Variants in PKHD1 observed in about 807,000 individuals in gnomAD.
PKHD1 encodes the protein fibrocystin.
PKHD1 carries 291 observed loss-of-function variants against 412.0 expected under a neutral mutation model. The ratio of observed to expected loss-of-function variants is 0.71; its 90% CI spans 0.64 to 0.78. PKHD1 has a LOEUF of 0.78. Among genes scored for constraint, PKHD1 ranks in the 30% least tolerant of loss-of-function variants. The pLI is 0.00. For synonymous variants in PKHD1, 1,777 were observed against 1,821.5 expected (o/e 0.98, Z 0.62); for missense variants, 4,825 against 4,950.7 (o/e 0.97, Z 0.76).
chr6:51,864,090 G>GA (rs1774649733), intron 48 of PKHD1, among the ~76,000 whole-genome samples: 1 of 152,180 alleles, frequency 6.6e-6, no homozygotes, highest in Admixed American at 6.5e-5. Flanking sequence ...GCCTAGCAGA[G>GA]AAAACGACCT....
chr6:51,788,035 T>C (rs1253255365), intron 53 of PKHD1, among the ~76,000 whole-genome samples: 1 of 152,100 alleles, frequency 6.6e-6, no homozygotes, highest in Non-Finnish European at 1.5e-5. Flanking sequence ...CAAGAGAATA[T>C]CTGCAGTGTA....
At chr6:52,082,581 G>A in intron 3 of PKHD1, 39 bp from the exon 4 acceptor site, 2 of 1,605,142 alleles carry the variant, frequency 1.2e-6, no homozygotes, top group Non-Finnish European at 1.7e-6. Context: ...GCATAGAATT[G>A]TCATTGACAC....
intron 35 of PKHD1, among the ~76,000 whole-genome samples, chr6:51,979,967 T>G (rs1457317273): frequency 6.6e-6 from 1 of 152,204 alleles, no homozygotes; most frequent in Non-Finnish European, 1.5e-5. Flanking sequence ...CAGTGCCCAC[T>G]GCTTTTGTGC....
chr6:51,927,996 T>C (rs1373828183), intron 37 of PKHD1, among the ~76,000 whole-genome samples: 1 of 152,132 alleles, frequency 6.6e-6, no homozygotes, highest in African/African-American at 2.4e-5. Flanking sequence ...GACTCAATAG[T>C]CAGCAATTAT....
chr6:51,646,853 GA>G (rs1216936629), intron 63 of PKHD1, among the ~76,000 whole-genome samples: 1 of 152,074 alleles, frequency 6.6e-6, no homozygotes, highest in Non-Finnish European at 1.5e-5. Flanking sequence ...ACTGGCTCAG[GA>G]GGTTCACTCT....
intron 23 of PKHD1, 105 bp downstream of exon 23, chr6:52,048,387 T>G (rs1806197026): frequency 8.9e-7 from 1 of 1,125,372 alleles, no homozygotes; most frequent in African/African-American, 1.5e-5. Context: ...ATAAAATAGC[T>G]TTAATATTAT....
At chr6:51,941,751 T>G (rs1354415434) in intron 36 of PKHD1, among the ~76,000 whole-genome samples, 2 of 151,502 alleles carry the variant, frequency 1.3e-5, no homozygotes, top group African/African-American at 4.9e-5. Context: ...TATTCTGTTC[T>G]GGATCTCAAA....
chr6:51,793,927 T>C (rs933164560), intron 52 of PKHD1, among the ~76,000 whole-genome samples: 7 of 152,212 alleles, frequency 4.6e-5, no homozygotes, highest in Non-Finnish European at 2.9e-5. Flanking sequence ...TTTCTGCCTC[T>C]AGGTCTTTGA....
chr6:51,770,677 T>A (rs1789937100), intron 55 of PKHD1, among the ~76,000 whole-genome samples: 1 of 151,832 alleles, frequency 6.6e-6, no homozygotes, highest in Non-Finnish European at 1.5e-5. Flanking sequence ...GTTTCTTTCA[T>A]TTTTTTCCCA....
rs138729187 is a variant in PKHD1, at chr6:51,665,036, A to G, written c.10157-5067T>C. Reference sequence around the variant, plus strand: ...AAATATACTCATTTTGATTCAAGATAAGAATAAAGAATATTTAAATTACTT... The same window carrying G: ...AAATATACTCATTTTGATTCAAGATGAGAATAAAGAATATTTAAATTACTT... On this transcript the variant is annotated intron_variant, in intron 60 of 66. Coordinates refer to ENST00000371117, the MANE Select transcript of PKHD1 (RefSeq NM_138694.4). Among the ~76,000 whole-genome samples, 329 of 152,280 alleles carry G rather than the reference A, an allele frequency of 2.2e-3. 1 individual carries two copies. The highest frequency in any genetic ancestry group is 7.7e-3 in the African/African-American group (320 of 41,574).
intron 20 of PKHD1, among the ~76,000 whole-genome samples, chr6:52,053,579 T>G (rs556750804): frequency 6.6e-6 from 1 of 152,342 alleles, no homozygotes; most frequent in East Asian, 1.9e-4. Flanking sequence ...ACAGAGAAGA[T>G]TGATACTTCT....
intron 36 of PKHD1, among the ~76,000 whole-genome samples, chr6:51,949,479 T>C (rs1437224823): frequency 6.6e-6 from 1 of 151,972 alleles, no homozygotes; most frequent in Non-Finnish European, 1.5e-5. Flanking sequence ...AAGAGGAGCA[T>C]TTAGAGAAGG....
intron 52 of PKHD1, among the ~76,000 whole-genome samples, chr6:51,812,013 G>A (rs560569063): frequency 1.3e-5 from 2 of 152,260 alleles, no homozygotes; most frequent in Admixed American, 1.3e-4. Flanking sequence ...ATAATTAGAT[G>A]TCTAAGACAA....
chr6:51,727,627 G>T (rs1782739755), intron 60 of PKHD1, among the ~76,000 whole-genome samples: 1 of 152,170 alleles, frequency 6.6e-6, no homozygotes, highest in Non-Finnish European at 1.5e-5. Flanking sequence ...TGGGAGGTGA[G>T]CATGCACAGT....
chr6:51,925,438 CGTGTGTGTGTGTGTGTATGTGTGT>C (rs1785389899), intron 37 of PKHD1, among the ~76,000 whole-genome samples: 1 of 147,376 alleles, frequency 6.8e-6, no homozygotes, highest in Non-Finnish European at 1.5e-5. Flanking sequence ...AATTGTTCTT[CGTGTGTGTGTGTGTGTATGTGTGT>C]GTGTGTGTGT....
chr6:52,035,043 T>C (rs2128167642), intron 28 of PKHD1, among the ~76,000 whole-genome samples: 1 of 152,254 alleles, frequency 6.6e-6, no homozygotes, highest in Non-Finnish European at 1.5e-5. Flanking sequence ...CTCAAATCCC[T>C]TAATAGGCCA....
intron 36 of PKHD1, among the ~76,000 whole-genome samples, chr6:51,948,213 A>G (rs1241624287): frequency 6.6e-6 from 1 of 152,102 alleles, no homozygotes; most frequent in Non-Finnish European, 1.5e-5. Context: ...TCTCAAAACA[A>G]CACTCAGTGT....
At chr6:51,851,939 T>C (rs1772337239) in intron 49 of PKHD1, among the ~76,000 whole-genome samples, 1 of 152,168 alleles carries the variant, frequency 6.6e-6, no homozygotes, top group Non-Finnish European at 1.5e-5. Context: ...TTTCTTGTCT[T>C]CTGCTGGCTT....
At chr6:51,963,930 C>T (rs1792437966) in intron 35 of PKHD1, among the ~76,000 whole-genome samples, 1 of 152,068 alleles carries the variant, frequency 6.6e-6, no homozygotes, top group South Asian at 2.1e-4. Context: ...AAACACATCA[C>T]TCATTCTTAT....
Sources: gnomAD v4.1 joint callset for allele counts (sites outside exome capture counted in the v4.1 genomes callset) on GRCh38, gnomAD v4.1.1 for gene constraint, MANE v1.5 for transcripts, NCBI Gene and HGNC (gene_info 2026-07-23, HGNC 2026-07-21) for gene names.